VTA1: variants seen among roughly 807,000 people sequenced by gnomAD.
VTA1 encodes vacuolar protein sorting-associated protein VTA1 homolog.
VTA1 carries 24 observed loss-of-function variants against 36.9 expected under a neutral mutation model. The observed-to-expected ratio is 0.65, with a 90% CI of 0.47 to 0.91. The LOEUF is 0.91. Ranked by LOEUF, VTA1 falls within the 40% of genes least tolerant of loss-of-function variation. The pLI, the probability that VTA1 is intolerant of heterozygous loss-of-function variation, is 0.00. For missense variants in VTA1, 393 were observed against 377.2 expected, an observed-to-expected ratio of 1.04 and a Z score of -0.35; for synonymous variants, 142 against 130.2, an observed-to-expected ratio of 1.09 and a Z score of -0.62.
At chr6:142,172,835 G>C (rs1250250969) in intron 4 of VTA1, among the ~76,000 whole-genome samples, 2 of 152,130 alleles carry the variant, frequency 1.3e-5, no homozygotes. Flanking sequence ...TCATAAGCCA[G>C]GTCAGACAGA....
At chr6:142,203,019 TAAAAGTC>T (rs1775720497) in intron 6 of VTA1, among the ~76,000 whole-genome samples, 1 of 151,984 alleles carries the variant, frequency 6.6e-6, no homozygotes, top group Non-Finnish European at 1.5e-5. Flanking sequence ...AGAAAAATCT[TAAAAGTC>T]AAAACTTCTT....
chr6:142,208,282 A>G (rs564746658), intron 7 of VTA1, among the ~76,000 whole-genome samples: 3 of 152,170 alleles, frequency 2.0e-5, no homozygotes, highest in Non-Finnish European at 1.5e-5. Flanking sequence ...ACTGAGAAAT[A>G]CATTTGCTGA....
At chr6:142,164,810 G>A (rs1774883333) in intron 1 of VTA1, among the ~76,000 whole-genome samples, 1 of 152,174 alleles carries the variant, frequency 6.6e-6, no homozygotes, top group African/African-American at 2.4e-5. Flanking sequence ...GACAGAATGA[G>A]CTATTCTTTC....
rs938197243 is a variant in VTA1, at chr6:142,220,719, T to C, written c.*2076T>C. On this transcript the variant is annotated 3_prime_UTR_variant, in exon 8 of 8. Coordinates refer to ENST00000367630, the MANE Select transcript of VTA1 (RefSeq NM_016485.5). ...AACTATACAATGTTTGTTAACTTTG[T>C]ATTTGTATTTTTTCCTATAAAATCT... 6 of 152,184 alleles carry C rather than the reference T, an allele frequency of 3.9e-5. No individual in the cohort carries two copies. The highest frequency in any genetic ancestry group is 8.8e-5 in the Non-Finnish European group (6 of 68,028). 9.4% of individuals were successfully genotyped at this position (152,184 alleles called of 1,614,324 possible).
At chr6:142,218,098 T>G (rs1776036091) in intron 7 of VTA1, among the ~76,000 whole-genome samples, 1 of 152,182 alleles carries the variant, frequency 6.6e-6, no homozygotes, top group Non-Finnish European at 1.5e-5. Context: ...ACATAAAGTT[T>G]GTTATTCACT....
intron 4 of VTA1, among the ~76,000 whole-genome samples, chr6:142,182,650 AT>A (rs1775264748): frequency 6.6e-6 from 1 of 152,158 alleles, no homozygotes; most frequent in Non-Finnish European, 1.5e-5. Flanking sequence ...CAACTATAAG[AT>A]TTTTAACCAT....
At chr6:142,164,892 A>T (rs11966205) in intron 1 of VTA1, among the ~76,000 whole-genome samples, 5,349 of 152,284 alleles carry the variant, frequency 0.035, 317 homozygotes, top group African/African-American at 0.12. Context: ...GGGATACATC[A>T]GCAAACCAAA....
At chr6:142,166,785 G>A (rs1774925453) in intron 2 of VTA1, among the ~76,000 whole-genome samples, 4 of 151,924 alleles carry the variant, frequency 2.6e-5, no homozygotes, top group Admixed American at 2.6e-4. Context: ...AACGCGCCCG[G>A]CTAGTTTTTT....
At chr6:142,184,548 T>TG (rs1775304181) in intron 4 of VTA1, among the ~76,000 whole-genome samples, 1 of 50,932 alleles carries the variant, frequency 2.0e-5, no homozygotes, top group South Asian at 6.3e-4. Flanking sequence ...AATAAATAAC[T>TG]TGACTTACTG....
In VTA1 at chr6:142,147,387, G is replaced by A; in HGVS notation, c.100G>A (p.Val34Met). 2 of 1,614,110 alleles carry A rather than the reference G, an allele frequency of 1.2e-6. No homozygotes were observed. Among genetic ancestry groups the A allele is most frequent in the Non-Finnish European group, 1.7e-6 (2 of 1,180,004 alleles). Residue 34 changes from valine (V) to methionine (M), a missense_variant, in exon 1 of 8, where the codon GTG becomes ATG. Transcript: ENST00000367630. Reference protein sequence around the residue: ...AQEHDKRDPVVAYYCRLYAMQ... With the variant: ...AQEHDKRDPVMAYYCRLYAMQ... ...GGAGCATGACAAGCGAGACCCTGTG[G>A]TGGCTTATTACTGTGAGTCTTTCCG...
rs910118869 is a variant in VTA1, at chr6:142,223,537, A to C, written c.*4894A>C. The C allele has an allele frequency of 6.6e-6, 1 of 152,186 alleles. No individual in the cohort carries two copies. The highest frequency in any genetic ancestry group is 1.5e-5 in the Non-Finnish European group (1 of 68,022). 9.4% of individuals were successfully genotyped at this position (152,186 alleles called of 1,614,324 possible). A position where few individuals can be genotyped will look rare whatever the true frequency, so the allele number is the denominator to read the frequency against. On this transcript the variant is annotated 3_prime_UTR_variant, in exon 8 of 8. Coordinates refer to ENST00000367630, the MANE Select transcript of VTA1 (RefSeq NM_016485.5). ...AAATTTCTCCCTGAAAGTCTTAGGC[A>C]AAAGCCCCTGTCTCTTACTTCATAT...
At chr6:142,208,085 C>CAAAA (rs567010868) in intron 7 of VTA1, among the ~76,000 whole-genome samples, 16 of 99,426 alleles carry the variant, frequency 1.6e-4, no homozygotes, top group East Asian at 6.8e-4. Context: ...AGACTTCCAT[C>CAAAA]AAAAAAAAAA....
chr6:142,221,690 G>C lies in VTA1; in HGVS notation c.*3047G>C, dbSNP rs996294016. ...AACAATAGGCCGGGGGCGGTGGTTC[G>C]CACCTGCAATCCCAGCACTTTGGGA... On this transcript the variant is annotated 3_prime_UTR_variant, in exon 8 of 8. Transcript: ENST00000367630. The C allele has an allele frequency of 6.6e-6, 1 of 151,452 alleles. No homozygotes were observed. Among genetic ancestry groups the C allele is most frequent in the South Asian group, 2.1e-4 (1 of 4,802 alleles). The allele number at this position is 151,452 out of a possible 1,614,324, so 9.4% of individuals were successfully genotyped here.
intron 2 of VTA1, among the ~76,000 whole-genome samples, chr6:142,168,910 C>CA (rs1229022667): frequency 6.6e-6 from 1 of 151,550 alleles, no homozygotes; most frequent in Non-Finnish European, 1.5e-5. Context: ...GGGACTACAG[C>CA]TGCCCGCCAC....
intron 1 of VTA1, among the ~76,000 whole-genome samples, chr6:142,152,359 G>T (rs1464453943): frequency 6.6e-6 from 1 of 152,070 alleles, no homozygotes; most frequent in Non-Finnish European, 1.5e-5. Flanking sequence ...AATATTTGAT[G>T]ATAGGTGGTT....
chr6:142,188,225 CTTT>C (rs200348683), intron 4 of VTA1, among the ~76,000 whole-genome samples: 41 of 78,948 alleles, frequency 5.2e-4, no homozygotes, highest in African/African-American at 1.9e-3. Context: ...TTCTTTATTT[CTTT>C]TTTTTTTTTT....
At chr6:142,183,326 A>G (rs922652132) in intron 4 of VTA1, among the ~76,000 whole-genome samples, 1 of 152,166 alleles carries the variant, frequency 6.6e-6, no homozygotes, top group Non-Finnish European at 1.5e-5. Flanking sequence ...TTGGTATGCT[A>G]ATGGAGAATA....
chr6:142,166,379 A>ATT lies in VTA1; in HGVS notation c.207+59_207+60dup, dbSNP rs1209377946. 6 of 1,290,744 alleles carry ATT rather than the reference A, an allele frequency of 4.6e-6. No individual in the cohort carries two copies. The African/African-American group carries it at 7.3e-5, about 16-fold the overall frequency. 80.0% of individuals were successfully genotyped at this position (1,290,744 alleles called of 1,614,324 possible). A position where few individuals can be genotyped will look rare whatever the true frequency, so the allele number is the denominator to read the frequency against. On this transcript the variant is annotated intron_variant, in intron 2 of 7. Transcript: ENST00000367630. The stretch of plus-strand genomic sequence containing the variant: ...TTATGGTTAAAATACCATTTTATTC[A>ATT]TTTGCGTGTCTGTGTTGTCATTTTA...
chr6:142,207,864 A>G (rs2114682479), intron 7 of VTA1, among the ~76,000 whole-genome samples: 1 of 152,106 alleles, frequency 6.6e-6, no homozygotes, highest in South Asian at 2.1e-4. Context: ...TGGGCAGATT[A>G]CCTGAGGTCA....
Sources: allele counts gnomAD v4.1 joint callset (sites outside exome capture counted in the v4.1 genomes callset), GRCh38; gene constraint gnomAD v4.1.1; transcripts MANE v1.5; gene names NCBI Gene and HGNC (gene_info 2026-07-23, HGNC 2026-07-21).